Variants in GABRG3 observed in about 807,000 individuals in gnomAD.
The protein encoded by GABRG3 is gamma-aminobutyric acid receptor subunit gamma-3.
A neutral mutation model predicts 48.8 loss-of-function variants in GABRG3; 25 were observed. The ratio of observed to expected loss-of-function variants is 0.51; its 90% confidence interval spans 0.37 to 0.72. The LOEUF (loss-of-function observed/expected upper bound fraction) is 0.72. Among genes scored for constraint, GABRG3 ranks in the 30% least tolerant of loss-of-function variants. GABRG3 has a pLI of 0.00. For missense variants in GABRG3, 394 were observed against 577.9 expected (o/e 0.68, Z 3.26); for synonymous variants, 227 against 217.6 (o/e 1.04, Z -0.38).
chr15:27,460,999 G>A (rs191354211), intron 5 of GABRG3, among the ~76,000 whole-genome samples: 136 of 152,218 alleles, frequency 8.9e-4, no homozygotes, highest in African/African-American at 3.2e-3. Flanking sequence ...GTCTCTGCTC[G>A]TTCCTGTACA....
intron 3 of GABRG3, among the ~76,000 whole-genome samples, chr15:27,102,282 G>A (rs958375693): frequency 1.1e-4 from 16 of 152,178 alleles, no homozygotes; most frequent in African/African-American, 3.4e-4. Context: ...TTAGAAATGA[G>A]TTTGGTTTTT....
intron 3 of GABRG3, among the ~76,000 whole-genome samples, chr15:27,051,052 A>G (rs1346157385): frequency 2.0e-5 from 3 of 152,244 alleles, no homozygotes; most frequent in African/African-American, 4.8e-5. Context: ...GTGTAACCAG[A>G]TAAATTGAGG....
At chr15:27,403,915 A>AAAAAAAAAAAAAAC (rs1309024879) in intron 5 of GABRG3, among the ~76,000 whole-genome samples, 1 of 81,240 alleles carries the variant, frequency 1.2e-5, no homozygotes, top group Non-Finnish European at 2.1e-5. Flanking sequence ...AAAAAAAAAC[A>AAAAAAAAAAAAAAC]AAAAAAAAAA....
At chr15:26,989,222 C>T (rs1895203879) in intron 2 of GABRG3, among the ~76,000 whole-genome samples, 1 of 152,146 alleles carries the variant, frequency 6.6e-6, no homozygotes, top group Admixed American at 6.6e-5. Context: ...AATGTGATAG[C>T]ATGTATCAGT....
chr15:27,050,090 T>A (rs1896431573), intron 3 of GABRG3, among the ~76,000 whole-genome samples: 1 of 152,184 alleles, frequency 6.6e-6, no homozygotes, highest in African/African-American at 2.4e-5. Flanking sequence ...AGATTTAAAT[T>A]TAATCTCTGG....
chr15:27,429,394 C>G (rs943606541), intron 5 of GABRG3, among the ~76,000 whole-genome samples: 2 of 152,102 alleles, frequency 1.3e-5, no homozygotes, highest in African/African-American at 4.8e-5. Context: ...ACCTGGTGGT[C>G]TGGTGACTCA....
At chr15:27,252,354 T>C (rs1890485464) in intron 3 of GABRG3, among the ~76,000 whole-genome samples, 1 of 152,132 alleles carries the variant, frequency 6.6e-6, no homozygotes, top group Non-Finnish European at 1.5e-5. Flanking sequence ...GGGCAGTCCT[T>C]CTGTGTCAGC....
At chr15:27,199,041 T>C (rs573608309) in intron 3 of GABRG3, among the ~76,000 whole-genome samples, 3 of 152,074 alleles carry the variant, frequency 2.0e-5, no homozygotes, top group Non-Finnish European at 4.4e-5. Flanking sequence ...AAATACCTAA[T>C]GTAGATGATG....
rs191675337 is a variant in GABRG3, at chr15:27,313,498, G to T, written c.271-13311G>T. Among the ~76,000 whole-genome samples, 5 of 150,632 alleles carry T rather than the reference G, an allele frequency of 3.3e-5. No individual in the cohort carries two copies. The East Asian group carries it at 9.9e-4, about 30-fold the overall frequency. ...TAAATCAAATGGACCTAACACAAAC[G>T]TACAGAACATTCCACCCAACGGCAG... is the stretch of plus-strand genomic sequence containing the variant. On this transcript the variant is annotated intron_variant, in intron 3 of 9. Coordinates refer to ENST00000615808, the MANE Select transcript of GABRG3 (RefSeq NM_033223.5).
rs141953761 is a variant in GABRG3, at chr15:27,521,943, G to T, written c.865+1819G>T. ...TAAAAGCAGAATAAGAAGAGAAAAA[G>T]AATGAGGACAAATATTTTTGAAAAC... On this transcript the variant is annotated intron_variant, in intron 7 of 9. Coordinates refer to ENST00000615808, the MANE Select transcript of GABRG3 (RefSeq NM_033223.5). 4.7e-3 allele frequency among the ~76,000 whole-genome samples: 715 copies of T among 152,036 alleles called. 1 individual carries two copies. The highest frequency in any genetic ancestry group is 8.2e-3 in the Non-Finnish European group (555 of 67,808).
chr15:26,973,782 G>A (rs551593468), intron 1 of GABRG3, among the ~76,000 whole-genome samples: 55 of 152,334 alleles, frequency 3.6e-4, no homozygotes, highest in African/African-American at 1.3e-3. Flanking sequence ...TCCGCTTTAA[G>A]CTAAGGTGTA....
chr15:27,112,920 T>A (rs1474613655), intron 3 of GABRG3, among the ~76,000 whole-genome samples: 1 of 152,216 alleles, frequency 6.6e-6, no homozygotes, highest in Non-Finnish European at 1.5e-5. Context: ...CCTTACAACA[T>A]GGAAACTTTG....
At position 27,278,988 on chromosome 15, in the gene GABRG3, C is replaced by T. The variant is rs72702087; in HGVS notation, c.271-47821C>T. 5.8e-3 allele frequency among the ~76,000 whole-genome samples: 876 copies of T among 152,274 alleles called. 1 individual carries two copies. The highest frequency in any genetic ancestry group is 7.8e-3 in the Non-Finnish European group (531 of 68,014). ...GCCTCCTCTCCAGCCTGTGCTGTTA[C>T]GTTCTGTTTCCTTTCTAAGTTTATG... On this transcript the variant is annotated intron_variant, in intron 3 of 9. Coordinates refer to ENST00000615808, the MANE Select transcript of GABRG3 (RefSeq NM_033223.5).
chr15:27,519,489 A>G (rs1891107663), intron 6 of GABRG3, among the ~76,000 whole-genome samples: 2 of 152,216 alleles, frequency 1.3e-5, no homozygotes, highest in Non-Finnish European at 2.9e-5. Flanking sequence ...TGCGAAGTTG[A>G]TAAGCAAAAC....
At chr15:27,323,517 C>T (rs767911575) in intron 3 of GABRG3, among the ~76,000 whole-genome samples, 14 of 152,282 alleles carry the variant, frequency 9.2e-5, no homozygotes, top group Non-Finnish European at 1.6e-4. Flanking sequence ...TTCTCACATA[C>T]TGAATTTTAG....
chr15:27,510,901 A>ATTTTTTTCT (rs1890881098), intron 6 of GABRG3, among the ~76,000 whole-genome samples: 1 of 152,058 alleles, frequency 6.6e-6, no homozygotes, highest in Admixed American at 6.6e-5. Flanking sequence ...TACTTTAAAT[A>ATTTTTTTCT]TTTTTTTCTT....
At chr15:27,441,171 T>C (rs1888773382) in intron 5 of GABRG3, among the ~76,000 whole-genome samples, 1 of 152,366 alleles carries the variant, frequency 6.6e-6, no homozygotes, top group Middle Eastern at 3.4e-3. Flanking sequence ...ATTTCAAGCA[T>C]CCACTTTGCA....
At chr15:27,524,320 AAAG>A (rs1295618925) in intron 7 of GABRG3, among the ~76,000 whole-genome samples, 2 of 152,088 alleles carry the variant, frequency 1.3e-5, no homozygotes, top group Non-Finnish European at 2.9e-5. Flanking sequence ...ATTCTCGGAC[AAAG>A]AAGAACAAAG....
intron 1 of GABRG3, among the ~76,000 whole-genome samples, chr15:26,972,651 A>G (rs140052732): frequency 6.6e-6 from 1 of 152,156 alleles, no homozygotes; most frequent in Non-Finnish European, 1.5e-5. Flanking sequence ...AAGCCTGGCC[A>G]CCATCAGGAG....
Sources: allele counts gnomAD v4.1 joint callset (sites outside exome capture counted in the v4.1 genomes callset), GRCh38; gene constraint gnomAD v4.1.1; transcripts MANE v1.5; gene names NCBI Gene and HGNC (gene_info 2026-07-23, HGNC 2026-07-21).